Variants in DHRSX observed in about 807,000 individuals in gnomAD.
The protein encoded by DHRSX is dehydrogenase/reductase X-linked, also known as polyprenol dehydrogenase.
In DHRSX, 31 loss-of-function variants were observed where a neutral mutation model predicts 34.0. The ratio of observed to expected loss-of-function variants is 0.91; its 90% CI spans 0.69 to 1.23. DHRSX has a LOEUF of 1.23. Ranked by LOEUF, DHRSX falls within the 50% of genes most tolerant of loss-of-function variation. DHRSX has a pLI of 0.00. For synonymous variants in DHRSX, 201 were observed against 183.8 expected, an observed-to-expected ratio of 1.09 and a Z score of -0.76; for missense variants, 414 against 428.1, an observed-to-expected ratio of 0.97 and a Z score of 0.29.
At chrX:2,478,391 ACACATTCTGGCCAATGGACTGTCACC>A (rs2044713639) in intron 1 of DHRSX, among the ~76,000 whole-genome samples, 1 of 152,148 alleles carries the variant, frequency 6.6e-6, no homozygotes. Flanking sequence ...TGTGGCAGGG[ACACATTCTGGCCAATGGACTGTCACC>A]TTGTACAAAC....
chrX:2,464,862 T>A (rs1461191413), intron 1 of DHRSX, among the ~76,000 whole-genome samples: 1 of 151,668 alleles, frequency 6.6e-6, no homozygotes, highest in Non-Finnish European at 1.5e-5. Context: ...CACTGAAGAA[T>A]TCCCTAAGCA....
intron 1 of DHRSX, among the ~76,000 whole-genome samples, chrX:2,437,281 G>A (rs974549077): frequency 1.3e-5 from 2 of 152,004 alleles, no homozygotes; most frequent in African/African-American, 2.4e-5. Flanking sequence ...TTACAGGTGT[G>A]AGCCACCATG....
At position 2,392,386 on chromosome X, in the gene DHRSX, A is replaced by T. The variant is rs1239089798; in HGVS notation, c.286+16359T>A. On this transcript the variant is annotated intron_variant, in intron 3 of 6. Coordinates refer to ENST00000334651, the MANE Select transcript of DHRSX (RefSeq NM_145177.3). ...GGAGGAAATGATGGTGCACGCCTGT[A>T]GTCCCAGCTCCTCGAGAGGCTGAGG... 2.4e-5 allele frequency: 6 copies of T among 251,592 alleles called. No individual in the cohort carries two copies. In the South Asian group the frequency reaches 2.5e-4, roughly 10 times the overall value. The allele number at this position is 251,592 out of a possible 1,614,324, so 15.6% of individuals were successfully genotyped here.
At chrX:2,257,633 T>C (rs2094007084) in intron 5 of DHRSX, among the ~76,000 whole-genome samples, 1 of 152,124 alleles carries the variant, frequency 6.6e-6, no homozygotes, top group Non-Finnish European at 1.5e-5. Context: ...TTTTATTTTA[T>C]TTATTTTTTG....
At chrX:2,232,417 T>C (rs1411726745) in intron 6 of DHRSX, among the ~76,000 whole-genome samples, 2 of 151,980 alleles carry the variant, frequency 1.3e-5, no homozygotes, top group African/African-American at 4.8e-5. Context: ...TCTTCTTTTG[T>C]CCACAGCCCC....
intron 1 of DHRSX, among the ~76,000 whole-genome samples, chrX:2,495,429 A>T (rs751106563): frequency 2.1e-4 from 32 of 152,250 alleles, no homozygotes; most frequent in Admixed American, 6.5e-4. Context: ...CATTTGGCTG[A>T]AACAGGTCTA....
At position 2,494,802 on chromosome X, in the gene DHRSX, GAAGAA is replaced by G. The variant is rs1419230729; in HGVS notation, c.109+6010_109+6014del. The stretch of plus-strand genomic sequence containing the variant: ...TGGTTGAAAGAGGTCCCAGTACCTA[GAAGAA>G]AAGTTTATATTCTATTATCATTATA... On this transcript the variant is annotated intron_variant, in intron 1 of 6. Transcript: ENST00000334651. 8.6e-5 allele frequency among the ~76,000 whole-genome samples: 13 copies of G among 151,976 alleles called. No homozygotes were observed. The East Asian group carries it at 2.5e-3, about 29-fold the overall frequency.
At chrX:2,300,683 C>A (rs2041998970) in intron 3 of DHRSX, among the ~76,000 whole-genome samples, 3 of 152,186 alleles carry the variant, frequency 2.0e-5, no homozygotes, top group Non-Finnish European at 4.4e-5. Context: ...CTTTAGCACT[C>A]GGGCTGGCTT....
At chrX:2,422,582 G>A (rs1026554396) in intron 2 of DHRSX, among the ~76,000 whole-genome samples, 4 of 152,024 alleles carry the variant, frequency 2.6e-5, no homozygotes, top group Non-Finnish European at 5.9e-5. Context: ...AAGTCAATAC[G>A]ATCCTGCATA....
At chrX:2,294,853 C>T (rs1176848500) in intron 3 of DHRSX, among the ~76,000 whole-genome samples, 1 of 150,652 alleles carries the variant, frequency 6.6e-6, no homozygotes. Flanking sequence ...AGAGAGCAGA[C>T]AGAAAAAGAA....
At chrX:2,333,605 G>A (rs2042511084) in intron 3 of DHRSX, among the ~76,000 whole-genome samples, 1 of 152,100 alleles carries the variant, frequency 6.6e-6, no homozygotes, top group African/African-American at 2.4e-5. Flanking sequence ...AGTAGAGACA[G>A]GGTTTCACCA....
At chrX:2,374,695 C>T (rs1383206359) in intron 3 of DHRSX, among the ~76,000 whole-genome samples, 1 of 137,002 alleles carries the variant, frequency 7.3e-6, no homozygotes, top group East Asian at 2.0e-4. Context: ...GCCGAGATCA[C>T]GCCATTGCAC....
At chrX:2,301,605 C>T (rs1039682286) in intron 3 of DHRSX, among the ~76,000 whole-genome samples, 10 of 152,050 alleles carry the variant, frequency 6.6e-5, no homozygotes, top group Non-Finnish European at 1.2e-4. Context: ...CGGCTGGTTG[C>T]GCTGCAGGAG....
chrX:2,271,438 A>G (rs1383969883), intron 4 of DHRSX, among the ~76,000 whole-genome samples: 1 of 152,222 alleles, frequency 6.6e-6, no homozygotes, highest in Non-Finnish European at 1.5e-5. Flanking sequence ...AGAAATGAGC[A>G]GACTGTTCAG....
At chrX:2,480,917 C>T (rs915893952) in intron 1 of DHRSX, among the ~76,000 whole-genome samples, 5 of 152,068 alleles carry the variant, frequency 3.3e-5, no homozygotes, top group African/African-American at 1.2e-4. Context: ...AATAATAATA[C>T]ATTGCGTTTT....
At chrX:2,282,388 AAGAGACAG>A (rs1402635108) in intron 4 of DHRSX, among the ~76,000 whole-genome samples, 1 of 146,382 alleles carries the variant, frequency 6.8e-6, no homozygotes, top group African/African-American at 2.5e-5. Flanking sequence ...GAGACAGAGA[AAGAGACAG>A]AGAGAAAGAG....
At chrX:2,344,201 A>T (rs2042673777) in intron 3 of DHRSX, among the ~76,000 whole-genome samples, 1 of 152,188 alleles carries the variant, frequency 6.6e-6, no homozygotes, top group Non-Finnish European at 1.5e-5. Context: ...AAGGAAGGAT[A>T]CTTGAGCTAG....
intron 5 of DHRSX, among the ~76,000 whole-genome samples, chrX:2,244,915 TTAGC>T (rs1171057423): frequency 1.3e-5 from 2 of 152,000 alleles, no homozygotes; most frequent in African/African-American, 2.4e-5. Flanking sequence ...TTTCACCATG[TTAGC>T]TAGGATGGTC....
At chrX:2,239,494 C>G (rs1050583326) in intron 6 of DHRSX, among the ~76,000 whole-genome samples, 5 of 151,666 alleles carry the variant, frequency 3.3e-5, no homozygotes, top group Non-Finnish European at 7.4e-5. Context: ...TGGTGGCTCA[C>G]GCCTGTAATC....
Sources: allele counts gnomAD v4.1 joint callset (sites outside exome capture counted in the v4.1 genomes callset), GRCh38; gene constraint gnomAD v4.1.1; transcripts MANE v1.5; gene names NCBI Gene and HGNC (gene_info 2026-07-23, HGNC 2026-07-21).